MYOC: variants seen among roughly 807,000 people sequenced by gnomAD.
The protein encoded by MYOC is juvenile-onset open-angle glaucoma 1.
A neutral mutation model predicts 28.2 loss-of-function variants in MYOC; 29 were observed. The ratio of observed to expected loss-of-function variants is 1.03; its 90% CI spans 0.77 to 1.40. The LOEUF is 1.40. Ranked by LOEUF, MYOC falls within the 40% of genes most tolerant of loss-of-function variation. The probability of loss-of-function intolerance (pLI) is 0.00; values close to 1 mark genes in which losing one functional copy is unlikely to be tolerated. For missense variants in MYOC, 569 were observed against 620.6 expected (o/e 0.92, Z 0.88); for synonymous variants, 240 against 245.6 (o/e 0.98, Z 0.21).
rs149881467 is a variant in MYOC, at chr1:171,636,330, C to A, written c.1110G>T (p.Pro370=). The A allele has an allele frequency of 6.2e-7, 1 of 1,614,022 alleles. No individual in the cohort carries two copies. Among genetic ancestry groups the A allele is most frequent in the Non-Finnish European group, 8.5e-7 (1 of 1,180,004 alleles). ...IPGAGYHGQF[P]YSWGGYTDID... ...TGTCCGTGTAGCCACCCCAAGAATA[C>A]GGGAACTGTCCGTGGTAGCCAGCTC... Residue 370 remains proline (P), a synonymous_variant, in exon 3 of 3, where the codon CCG becomes CCT. Coordinates refer to ENST00000037502, the MANE Select transcript of MYOC (RefSeq NM_000261.2).
chr1:171,652,022 G>C lies in MYOC; in HGVS notation c.590C>G (p.Pro197Arg), dbSNP rs368581344. Residue 197 changes from proline to arginine, a missense_variant, in exon 1 of 3, where the codon CCA (proline) becomes CGA (arginine). Transcript: ENST00000037502. ...QTRDTARAVP[P>R]GSREVSTWNL... is the part of the protein sequence containing the mutation. Reference sequence around the variant, plus strand: ...TGCATTCTTACCTTCTCTGGAGCCTGGTGGCACAGCCCGAGCAGTGTCTCG... The same window carrying C: ...TGCATTCTTACCTTCTCTGGAGCCTCGTGGCACAGCCCGAGCAGTGTCTCG... 2 of 1,614,182 alleles carry C rather than the reference G, an allele frequency of 1.2e-6. No homozygotes were observed. The highest frequency in any genetic ancestry group is 1.7e-5 in the Admixed American group (1 of 60,020).
intron 1 of MYOC, among the ~76,000 whole-genome samples, chr1:171,640,107 T>C (rs1410149441): frequency 6.6e-5 from 10 of 151,322 alleles, no homozygotes; most frequent in Non-Finnish European, 1.0e-4. Flanking sequence ...GATAAAAGTT[T>C]ACTGCATGAC....
At chr1:171,651,012 C>T (rs55815575) in intron 1 of MYOC, among the ~76,000 whole-genome samples, 17,892 of 152,106 alleles carry the variant, frequency 0.12, 1,105 homozygotes, top group East Asian at 0.18. Context: ...AGTCAAATTG[C>T]CTCAGTTATC....
At chr1:171,639,856 A>G (rs1201400445) in intron 1 of MYOC, among the ~76,000 whole-genome samples, 1 of 147,080 alleles carries the variant, frequency 6.8e-6, no homozygotes, top group Non-Finnish European at 1.5e-5. Flanking sequence ...GAGGTTGAGG[A>G]TCACTTGAAC....
rs756353011 is a variant in MYOC, at chr1:171,652,503, G to C, written c.109C>G (p.Leu37Val). The change falls in exon 1 of 3, where the codon CTC becomes GTC. Residue 37 changes from leucine (L) to valine (V), a missense_variant. Transcript: ENST00000037502. The stretch of plus-strand genomic sequence containing the variant: ...CCACTCTGGTCATTGGCCTTCCTGA[G>C]CTGAGCTGTCCTGGCCCCCACATCC... ...VWDVGARTAQ[L>V]RKANDQSGRC... 1 of 1,614,212 alleles carries C rather than the reference G, an allele frequency of 6.2e-7. No homozygotes were observed. Among genetic ancestry groups the C allele is most frequent in the Non-Finnish European group, 8.5e-7 (1 of 1,180,036 alleles).
At chr1:171,646,498 T>C (rs983543608) in intron 1 of MYOC, among the ~76,000 whole-genome samples, 1 of 142,308 alleles carries the variant, frequency 7.0e-6, no homozygotes. Context: ...GGTTTTTTTT[T>C]TTGTTTTTTT....
At chr1:171,647,678 G>C (rs1004084599) in intron 1 of MYOC, among the ~76,000 whole-genome samples, 4 of 152,182 alleles carry the variant, frequency 2.6e-5, no homozygotes, top group African/African-American at 9.7e-5. Context: ...TCCCATGAGG[G>C]ATTCTCATCC....
At position 171,635,868 on chromosome 1, in the gene MYOC, C is replaced by A; in HGVS notation, c.*57G>T. On this transcript the variant is annotated 3_prime_UTR_variant, in exon 3 of 3. Transcript: ENST00000037502. ...TGGCTGGCTCTCCCTTCAGCCTGCT[C>A]CCCCCAGGAGCCCTGAGCATCTCCT... 6.3e-7 allele frequency: 1 copy of A among 1,590,482 alleles called. No homozygotes were observed. The highest frequency in any genetic ancestry group is 1.1e-5 in the South Asian group (1 of 89,264).
At chr1:171,649,635 A>C (rs1467283408) in intron 1 of MYOC, among the ~76,000 whole-genome samples, 1 of 152,170 alleles carries the variant, frequency 6.6e-6, no homozygotes, top group East Asian at 1.9e-4. Flanking sequence ...GTCTCTACTA[A>C]AAATACAAAA....
At chr1:171,645,815 G>A (rs1653188910) in intron 1 of MYOC, among the ~76,000 whole-genome samples, 1 of 152,244 alleles carries the variant, frequency 6.6e-6, no homozygotes, top group Non-Finnish European at 1.5e-5. Context: ...CAAAGAAGAG[G>A]CAGCAAAAGT....
chr1:171,651,989 C>A lies in MYOC; in HGVS notation c.604+19G>T. 1.2e-6 allele frequency: 2 copies of A among 1,614,180 alleles called. No individual in the cohort carries two copies. Among genetic ancestry groups the A allele is most frequent in the Non-Finnish European group, 1.7e-6 (2 of 1,180,046 alleles). ...ATATCACCTGCTGAACTCAGAGTCCCCCCACTCTGCATTCTTACCTTCTCT... is the reference window on the plus strand; with the variant it reads ...ATATCACCTGCTGAACTCAGAGTCCACCCACTCTGCATTCTTACCTTCTCT... On this transcript the variant is annotated intron_variant, in intron 1 of 2. Transcript: ENST00000037502.
chr1:171,649,476 G>A (rs1178143688), intron 1 of MYOC, among the ~76,000 whole-genome samples: 1 of 152,146 alleles, frequency 6.6e-6, no homozygotes, highest in African/African-American at 2.4e-5. Flanking sequence ...TAAACCAGAG[G>A]TCAGCTGAAG....
rs180711580 is a variant in MYOC at position 171,645,333 on chromosome 1, C to T, written c.605-6611G>A. On this transcript the variant is annotated intron_variant, in intron 1 of 2. Transcript: ENST00000037502. ...CCTCAGTGCTCTGGAGGCCTCCTGCCTGTGCCTGCCCTGACTCCCACCATG... is the reference window on the plus strand; with the variant it reads ...CCTCAGTGCTCTGGAGGCCTCCTGCTTGTGCCTGCCCTGACTCCCACCATG... 3.3e-5 allele frequency among the ~76,000 whole-genome samples: 5 copies of T among 152,290 alleles called. No homozygotes were observed. In the East Asian group the frequency reaches 9.7e-4, roughly 29 times the overall value.
chr1:171,646,335 A>G (rs190507503), intron 1 of MYOC, among the ~76,000 whole-genome samples: 1 of 152,336 alleles, frequency 6.6e-6, no homozygotes, highest in Non-Finnish European at 1.5e-5. Flanking sequence ...ATGGCCCTCA[A>G]TAAAGATGTG....
chr1:171,639,326 T>C (rs604864), intron 1 of MYOC, among the ~76,000 whole-genome samples: 91,388 of 151,850 alleles, frequency 0.6, 27,600 homozygotes, highest in East Asian at 0.76. Flanking sequence ...AATAATAAAT[T>C]GCAGGGCAAT....
At chr1:171,641,692 C>A (rs547999487) in intron 1 of MYOC, among the ~76,000 whole-genome samples, 2 of 152,330 alleles carry the variant, frequency 1.3e-5, no homozygotes, top group East Asian at 3.9e-4. Flanking sequence ...ATGCTTAATA[C>A]ACTGGGCTTT....
At chr1:171,643,990 AAAAGG>A (rs1257832615) in intron 1 of MYOC, among the ~76,000 whole-genome samples, 7 of 134,452 alleles carry the variant, frequency 5.2e-5, no homozygotes, top group African/African-American at 2.0e-4. Context: ...AAAAAAAAAA[AAAAGG>A]AGTTGGTTTC....
chr1:171,638,461 C>T (rs1404770892), intron 2 of MYOC, 136 bp downstream of exon 2: 1 of 982,894 alleles, frequency 1.0e-6, no homozygotes, highest in Non-Finnish European at 1.6e-6. Context: ...TTCCTCTTCT[C>T]CTCCCCTCCC....
At chr1:171,640,747 C>CA (rs997195125) in intron 1 of MYOC, among the ~76,000 whole-genome samples, 1 of 151,912 alleles carries the variant, frequency 6.6e-6, no homozygotes, top group African/African-American at 2.4e-5. Context: ...TCCAACCTCC[C>CA]AAAAAACCCA....
Sources: gnomAD v4.1 joint callset for allele counts (sites outside exome capture counted in the v4.1 genomes callset) on GRCh38, gnomAD v4.1.1 for gene constraint, MANE v1.5 for transcripts, NCBI Gene and HGNC (gene_info 2026-07-23, HGNC 2026-07-21) for gene names.